The following ESPNL variants were observed in gnomAD, a reference collection of about 807,000 sequenced individuals.
ESPNL encodes espin-like protein.
In ESPNL, 49 loss-of-function variants were observed where a neutral mutation model predicts 46.8. The ratio of observed to expected loss-of-function variants is 1.05; its 90% CI spans 0.83 to 1.33. The LOEUF is 1.33. Ranked by LOEUF, ESPNL falls within the 40% of genes most tolerant of loss-of-function variation. ESPNL has a pLI of 0.00. For missense variants in ESPNL, 1,540 were observed against 1,436.6 expected, an observed-to-expected ratio of 1.07 and a Z score of -1.16; for synonymous variants, 664 against 662.1, an observed-to-expected ratio of 1.00 and a Z score of -0.04.
chr2:238,125,643 G>C (rs549945415), intron 6 of ESPNL, among the ~76,000 whole-genome samples: 1 of 152,376 alleles, frequency 6.6e-6, no homozygotes, highest in East Asian at 1.9e-4. Flanking sequence ...GGCCGGTTGG[G>C]CCCAGGCCCC....
At chr2:238,120,260 C>T (rs1266628629) in intron 5 of ESPNL, among the ~76,000 whole-genome samples, 2 of 152,156 alleles carry the variant, frequency 1.3e-5, no homozygotes, top group South Asian at 2.1e-4. Flanking sequence ...CCTTCAAGGC[C>T]GCTAGGTCAG....
At chr2:238,108,484 G>C (rs1691651004) in intron 4 of ESPNL, among the ~76,000 whole-genome samples, 1 of 152,208 alleles carries the variant, frequency 6.6e-6, no homozygotes, top group Non-Finnish European at 1.5e-5. Context: ...GCCATCAGCT[G>C]CTGGCCCTGC....
chr2:238,126,014 TTGTGTC>T (rs112369518), intron 6 of ESPNL, among the ~76,000 whole-genome samples: 14,225 of 151,124 alleles, frequency 0.094, 967 homozygotes, highest in East Asian at 0.29. Flanking sequence ...TCTGTGTATG[TTGTGTC>T]TGTGTCTGTG....
chr2:238,102,267 G>A (rs1411350826), intron 2 of ESPNL, 136 bp downstream of exon 2: 2 of 783,724 alleles, frequency 2.6e-6, no homozygotes, highest in Non-Finnish European at 4.0e-6. Context: ...TGTCACTGTG[G>A]GGGTGAGCTG....
intron 3 of ESPNL, among the ~76,000 whole-genome samples, chr2:238,105,512 CAAAAA>C (rs58809990): frequency 2.0e-5 from 2 of 98,008 alleles, no homozygotes; most frequent in South Asian, 3.3e-4. Flanking sequence ...GACTCTGTCT[CAAAAA>C]AAAAAAAAAA....
At chr2:238,127,412 A>C in intron 6 of ESPNL, 1 of 1,327,584 alleles carries the variant, frequency 7.5e-7, no homozygotes, top group Non-Finnish European at 9.6e-7. Flanking sequence ...AGGCTCTCCC[A>C]TCGACCAGGC....
chr2:238,116,423 T>C (rs1240815567), intron 4 of ESPNL, among the ~76,000 whole-genome samples: 1 of 152,134 alleles, frequency 6.6e-6, no homozygotes, highest in East Asian at 1.9e-4. Context: ...CTCCAGGCAC[T>C]AGGGGGGAAC....
At chr2:238,127,976 C>G (rs1255406306) in intron 7 of ESPNL, among the ~76,000 whole-genome samples, 1 of 152,194 alleles carries the variant, frequency 6.6e-6, no homozygotes, top group East Asian at 1.9e-4. Flanking sequence ...TCTGTTATCC[C>G]AGAGGGCTGC....
chr2:238,102,398 G>A (rs1259553306), intron 2 of ESPNL, among the ~76,000 whole-genome samples: 1 of 152,190 alleles, frequency 6.6e-6, no homozygotes, highest in Non-Finnish European at 1.5e-5. Context: ...CGGTGACGAT[G>A]GCAAGATGCT....
intron 5 of ESPNL, among the ~76,000 whole-genome samples, chr2:238,118,936 T>C (rs1231299472): frequency 2.3e-4 from 22 of 94,780 alleles, no homozygotes; most frequent in Non-Finnish European, 4.4e-4. Context: ...GGAGGAGGAA[T>C]GGATGGAAGA....
chr2:238,102,146 G>C lies in ESPNL; in HGVS notation c.485+15G>C, dbSNP rs971836460. Reference sequence around the variant, plus strand: ...GCGCATGGCAGGTAAGGAGCCCAAAGTCCCGCCTGGGGGGGCAGCCTGGGG... The same window carrying C: ...GCGCATGGCAGGTAAGGAGCCCAAACTCCCGCCTGGGGGGGCAGCCTGGGG... On this transcript the variant is annotated intron_variant, in intron 2 of 8. Coordinates refer to ENST00000343063, the MANE Select transcript of ESPNL (RefSeq NM_194312.4). 6.6e-7 allele frequency: 1 copy of C among 1,518,060 alleles called. No homozygotes were observed. The highest frequency in any genetic ancestry group is 1.4e-5 in the African/African-American group (1 of 72,556). The allele number at this position is 1,518,060 out of a possible 1,614,324, so 94.0% of individuals were successfully genotyped here. A position where few individuals can be genotyped will look rare whatever the true frequency, so the allele number is the denominator to read the frequency against.
chr2:238,119,400 T>TGAAC (rs1559263926), intron 5 of ESPNL, among the ~76,000 whole-genome samples: 272 of 86,732 alleles, frequency 3.1e-3, no homozygotes, highest in East Asian at 7.4e-3. Flanking sequence ...AGGAGGTGGA[T>TGAAC]GGAGGAGGTG....
At chr2:238,104,584 A>G in intron 2 of ESPNL, 72 bp from the exon 3 acceptor site, 1 of 1,437,016 alleles carries the variant, frequency 7.0e-7, no homozygotes, top group Non-Finnish European at 9.3e-7. Context: ...GGCAGCGGTG[A>G]AGTCCAAGCA....
At position 238,131,160 on chromosome 2, in the gene ESPNL, G is replaced by A; in HGVS notation, c.2446G>A (p.Ala816Thr). 6.5e-7 allele frequency: 1 copy of A among 1,546,142 alleles called. No individual in the cohort carries two copies. The highest frequency in any genetic ancestry group is 1.4e-5 in the African/African-American group (1 of 73,196). ...HLLGNWKAIM[A>T]HVPARQLRRL... ...GCTGGGCAACTGGAAGGCCATCATG[G>A]CTCACGTGCCCGCCCGGCAGCTGCG... The change falls in exon 9 of 9, where the codon GCT (alanine) becomes ACT (threonine). Residue 816 changes from alanine (A) to threonine (T), a missense_variant. Coordinates refer to ENST00000343063, the MANE Select transcript of ESPNL (RefSeq NM_194312.4).
chr2:238,108,944 C>T (rs1487715506), intron 4 of ESPNL, among the ~76,000 whole-genome samples: 3 of 152,292 alleles, frequency 2.0e-5, no homozygotes, highest in East Asian at 3.9e-4. Flanking sequence ...TCCCCCCTCC[C>T]GGCAGCGCTG....
At position 238,132,405 on chromosome 2, in the gene ESPNL, C is replaced by T. The variant is rs1422564166; in HGVS notation, c.*673C>T. 6.6e-6 allele frequency: 1 copy of T among 152,442 alleles called. No homozygotes were observed. The allele number at this position is 152,442 out of a possible 1,614,324, so 9.4% of individuals were successfully genotyped here. ...GTCCTCCAGCCTGACCAGCCCTGGC[C>T]TAGTCGTGGGCCCCAGCAAGGCTGG... On this transcript the variant is annotated 3_prime_UTR_variant, in exon 9 of 9. Coordinates refer to ENST00000343063, the MANE Select transcript of ESPNL (RefSeq NM_194312.4).
At chr2:238,119,096 T>C (rs1691909956) in intron 5 of ESPNL, among the ~76,000 whole-genome samples, 1 of 105,588 alleles carries the variant, frequency 9.5e-6, no homozygotes, top group African/African-American at 4.1e-5. Flanking sequence ...GGAGAGTGGA[T>C]GGAAGAGGAT....
At position 238,130,475 on chromosome 2, in the gene ESPNL, G is replaced by A. The variant is rs752304746; in HGVS notation, c.1761G>A (p.Gln587=). Residue 587 remains glutamine (Q), a synonymous_variant, in exon 9 of 9, where the codon CAG becomes CAA. Coordinates refer to ENST00000343063, the MANE Select transcript of ESPNL (RefSeq NM_194312.4). ...CCTCAGAGGTGGCCCCCGGGGTGCAGCCCCTGCCCTTCTGGTGCAGCCACA... is the reference window on the plus strand; with the variant it reads ...CCTCAGAGGTGGCCCCCGGGGTGCAACCCCTGCCCTTCTGGTGCAGCCACA... ...AEASEVAPGV[Q]PLPFWCSHIS... is the part of the protein sequence containing the mutation. The A allele has an allele frequency of 8.1e-6, 13 of 1,599,168 alleles. No individual in the cohort carries two copies. The African/African-American group carries it at 1.1e-4, about 13-fold the overall frequency.
At chr2:238,102,492 T>C (rs2106463443) in intron 2 of ESPNL, among the ~76,000 whole-genome samples, 1 of 152,278 alleles carries the variant, frequency 6.6e-6, no homozygotes. Context: ...GCTGGCAACC[T>C]GTGAGGGCAC....
Sources: allele counts gnomAD v4.1 joint callset (sites outside exome capture counted in the v4.1 genomes callset), GRCh38; gene constraint gnomAD v4.1.1; transcripts MANE v1.5; gene names NCBI Gene and HGNC (gene_info 2026-07-23, HGNC 2026-07-21).